C4orf50: variants seen among roughly 807,000 people sequenced by gnomAD.
C4orf50 encodes chromosome 4 open reading frame 50, also known as uncharacterized protein C4orf50.
C4orf50 carries 80 observed loss-of-function variants against 77.2 expected under a neutral mutation model. The observed-to-expected ratio is 1.04, with a 90% CI of 0.87 to 1.25. The LOEUF is 1.25. Among genes scored for constraint, C4orf50 ranks in the 50% most tolerant of loss-of-function variants. C4orf50 has a pLI of 0.00. For missense variants in C4orf50, 1,257 were observed against 1,152.9 expected, an observed-to-expected ratio of 1.09 and a Z score of -1.31; for synonymous variants, 532 against 465.3, an observed-to-expected ratio of 1.14 and a Z score of -1.84.
chr4:5,923,248 T>C (rs1160619309), intron 7 of C4orf50: 1 of 154,296 alleles, frequency 6.5e-6, no homozygotes, highest in Non-Finnish European at 1.5e-5. Context: ...GGATCGCAGC[T>C]AAAGGGTGGT....
chr4:5,938,270 A>G (rs534989096), intron 7 of C4orf50, among the ~76,000 whole-genome samples: 1 of 152,360 alleles, frequency 6.6e-6, no homozygotes, highest in Admixed American at 6.5e-5. Flanking sequence ...TAAGAACAAA[A>G]TACAGAAAAT....
rs993867079 is a variant in C4orf50 at position 5,994,222 on chromosome 4, G to A, written c.1093+125C>T. The stretch of plus-strand genomic sequence containing the variant: ...CCTACCTCTCTGAGCCTCGATTCTT[G>A]TCTGTAGGGAGGGGGGACCACCCCC... On this transcript the variant is annotated intron_variant, in intron 26 of 33. Transcript: ENST00000531445. The A allele has an allele frequency of 3.0e-5, 12 of 396,100 alleles. No individual in the cohort carries two copies. In the East Asian group the frequency reaches 3.6e-4, roughly 12 times the overall value. 24.5% of individuals were successfully genotyped at this position (396,100 alleles called of 1,614,324 possible). A position where few individuals can be genotyped will look rare whatever the true frequency, so the allele number is the denominator to read the frequency against.
At chr4:5,941,457 C>T (rs1225432282) in intron 7 of C4orf50, among the ~76,000 whole-genome samples, 5 of 152,326 alleles carry the variant, frequency 3.3e-5, no homozygotes, top group African/African-American at 7.2e-5. Flanking sequence ...CATCCCCCAA[C>T]TTCCCACACC....
rs75697509 is a variant in C4orf50 at position 5,968,429 on chromosome 4, G to A, written c.4105-967C>T. Among the ~76,000 whole-genome samples, 820 of 152,230 alleles carry A rather than the reference G, an allele frequency of 5.4e-3. 7 individuals carry two copies. Among genetic ancestry groups the A allele is most frequent in the African/African-American group, 0.018 (740 of 41,526 alleles). ...GCTCAGCCGTCTTCTGGTAGTGACC[G>A]GATCACACCAGCACTCCTGGGAGGC... On this transcript the variant is annotated intron_variant, in intron 31 of 33. Transcript: ENST00000531445.
chr4:5,969,302 T>C (rs1231818278), intron 31 of C4orf50, among the ~76,000 whole-genome samples: 1 of 151,586 alleles, frequency 6.6e-6, no homozygotes, highest in Non-Finnish European at 1.5e-5. Flanking sequence ...GGCTTAGGGA[T>C]TGCTGATTTA....
At chr4:5,989,794 G>C (rs1488187442) in exon 28 of C4orf50, 60 of 1,515,402 alleles carry the variant, frequency 4.0e-5, no homozygotes, top group Non-Finnish European at 5.3e-5. Context: ...ATGTTCCTGG[G>C]AGTCAGGCTC....
chr4:5,979,838 T>C (rs1720474682), intron 29 of C4orf50, among the ~76,000 whole-genome samples: 1 of 152,218 alleles, frequency 6.6e-6, no homozygotes, highest in Non-Finnish European at 1.5e-5. Flanking sequence ...CTGGTACCTG[T>C]ATAGGTTTGC....
intron 28 of C4orf50, among the ~76,000 whole-genome samples, chr4:5,982,153 G>A (rs1400714696): frequency 6.6e-6 from 1 of 152,174 alleles, no homozygotes; most frequent in Admixed American, 6.5e-5. Context: ...GTAAAATTCA[G>A]CTTCAAGACG....
chr4:5,997,543 T>C (rs1032501849), intron 25 of C4orf50, among the ~76,000 whole-genome samples: 1 of 152,204 alleles, frequency 6.6e-6, no homozygotes, highest in African/African-American at 2.4e-5. Context: ...AAACCTGATC[T>C]GGAACTTTCT....
chr4:6,004,672 ATGTTGATGGTGG>A (rs2108806385), intron 25 of C4orf50, among the ~76,000 whole-genome samples: 1 of 107,952 alleles, frequency 9.3e-6, no homozygotes, highest in Admixed American at 9.9e-5. Context: ...TGTGATGGTG[ATGTTGATGGTGG>A]TGGTGATGGT....
intron 31 of C4orf50, among the ~76,000 whole-genome samples, chr4:5,969,345 A>T (rs992042737): frequency 4.0e-5 from 6 of 151,720 alleles, no homozygotes; most frequent in African/African-American, 1.5e-4. Context: ...TTTGAGGGAT[A>T]ATTCTTCAAT....
chr4:5,920,220 T>C (rs1202492741), intron 7 of C4orf50, among the ~76,000 whole-genome samples: 2 of 152,126 alleles, frequency 1.3e-5, no homozygotes, highest in African/African-American at 4.8e-5. Flanking sequence ...TGCATAGCAA[T>C]TGGGAGCTCA....
chr4:5,949,375 C>T (rs988449934), intron 7 of C4orf50, among the ~76,000 whole-genome samples: 2 of 152,186 alleles, frequency 1.3e-5, no homozygotes, highest in African/African-American at 4.8e-5. Context: ...GAAGGAAATG[C>T]CGGCCCACGC....
At position 5,958,652 on chromosome 4, in the gene C4orf50, C is replaced by A. The variant is rs1719102159; in HGVS notation, c.*723G>T. On this transcript the variant is annotated 3_prime_UTR_variant, in exon 34 of 34. Coordinates refer to ENST00000531445, the Ensembl canonical transcript of C4orf50. This position sits in a 1 kb window ranked among gnomAD's most constrained non-coding sequence, Gnocchi z 5.4. ...CGCCAGGATCAACATTGACTTGTCT[C>A]TTCTCCTTCATGCCACATTGCCTGG... 1 of 152,230 alleles carries A rather than the reference C, an allele frequency of 6.6e-6. No homozygotes were observed. The highest frequency in any genetic ancestry group is 2.1e-4 in the South Asian group (1 of 4,824). The allele number at this position is 152,230 out of a possible 1,614,324, so 9.4% of individuals were successfully genotyped here. A position where few individuals can be genotyped will look rare whatever the true frequency, so the allele number is the denominator to read the frequency against.
At chr4:5,918,517 T>C (rs991133098) in intron 7 of C4orf50, among the ~76,000 whole-genome samples, 2 of 152,218 alleles carry the variant, frequency 1.3e-5, no homozygotes, top group East Asian at 1.9e-4. Context: ...ACTGGGCTCC[T>C]GGTCTGGGTC....
rs1367041305 is a variant in C4orf50, at chr4:5,961,033, C to A, written c.4276-1407G>T. ...TGTCCCCTCCTGGAAGTGGCTGTCT[C>A]TTCATGGAAGGACAAACAAGGACAA... On this transcript the variant is annotated intron_variant, in intron 33 of 33. Coordinates refer to ENST00000531445, the Ensembl canonical transcript of C4orf50. Among the ~76,000 whole-genome samples the A allele has an allele frequency of 2.0e-5, 3 of 152,186 alleles. No individual in the cohort carries two copies. The East Asian group carries it at 5.8e-4, about 29-fold the overall frequency.
At chr4:5,969,455 AG>A (rs1560571622) in intron 31 of C4orf50, among the ~76,000 whole-genome samples, 1 of 82,904 alleles carries the variant, frequency 1.2e-5, no homozygotes, top group African/African-American at 7.2e-5. Context: ...AGGAGGTGGC[AG>A]GAGGAGGAAA....
Position 6,015,569 on chromosome 4 carries a change from T to A in C4orf50, c.287+2576A>T, listed in dbSNP as rs900426510. Among the ~76,000 whole-genome samples, 5 of 151,888 alleles carry A rather than the reference T, an allele frequency of 3.3e-5. No individual in the cohort carries two copies. Among genetic ancestry groups the A allele is most frequent in the African/African-American group, 1.2e-4 (5 of 41,340 alleles). On this transcript the variant is annotated intron_variant, in intron 23 of 33. Coordinates refer to ENST00000531445, the Ensembl canonical transcript of C4orf50. The surrounding 1 kb of genome is among the most constrained non-coding windows in gnomAD (Gnocchi z 4.4). ...CACTGTCTATGTGGAGTTTGCCCAT[T>A]CTCCCCATGTCTGTGTGGGCTTTCT...
rs375420993 is a variant in C4orf50, at chr4:5,958,838, AAAAACAAAAC to A, written c.*527_*536del. 4.1e-3 allele frequency: 632 copies of A among 152,602 alleles called. 6 individuals are homozygous for A. The highest frequency in any genetic ancestry group is 0.015 in the African/African-American group (607 of 41,580). The allele number at this position is 152,602 out of a possible 1,614,324, so 9.5% of individuals were successfully genotyped here. ...ATGGGAAGGACCCCGGGGGCAGAGA[AAAAACAAAAC>A]AAAACAATTCTCCATGGCTGATCTT... On this transcript the variant is annotated 3_prime_UTR_variant, in exon 34 of 34. Coordinates refer to ENST00000531445, the Ensembl canonical transcript of C4orf50. This position sits in a 1 kb window ranked among gnomAD's most constrained non-coding sequence, Gnocchi z 5.4.
Sources: gnomAD v4.1 joint callset for allele counts (sites outside exome capture counted in the v4.1 genomes callset) on GRCh38, gnomAD v4.1.1 for gene constraint, Gnocchi (gnomAD v3.1) non-coding constraint, MANE v1.5 for transcripts, NCBI Gene and HGNC (gene_info 2026-07-23, HGNC 2026-07-21) for gene names.